DLGAP2: variants seen among roughly 807,000 people sequenced by gnomAD.
The protein encoded by DLGAP2 is DLG associated protein 2, also known as disks large-associated protein 2.
DLGAP2 carries 26 observed loss-of-function variants against 100.3 expected under a neutral mutation model. That is an observed-to-expected ratio of 0.26 (90% CI 0.19 to 0.36). DLGAP2 has a LOEUF of 0.36. Among genes scored for constraint, DLGAP2 ranks in the 10% least tolerant of loss-of-function variants. The probability of loss-of-function intolerance (pLI) is 1.00; values close to 1 mark genes in which losing one functional copy is unlikely to be tolerated. For synonymous variants in DLGAP2, 886 were observed against 630.1 expected, an observed-to-expected ratio of 1.41 and a Z score of -6.08; for missense variants, 1,858 against 1,453.2, an observed-to-expected ratio of 1.28 and a Z score of -4.53.
At chr8:920,236 G>A (rs1016195908) in intron 2 of DLGAP2, among the ~76,000 whole-genome samples, 2 of 152,240 alleles carry the variant, frequency 1.3e-5, no homozygotes, top group African/African-American at 4.8e-5. Flanking sequence ...GCCCACAGAG[G>A]CACCCCTGCC....
Position 873,345 on chromosome 8 carries a change from T to A in DLGAP2, c.19-34567T>A, listed in dbSNP as rs150095464. On this transcript the variant is annotated intron_variant, in intron 1 of 14. Coordinates refer to ENST00000637795, the MANE Select transcript of DLGAP2 (RefSeq NM_001346810.2). ...TTTTACTTCTCTTCATTACCCTGGC[T>A]AGGACCACCAGCACAATTTTGAAAT... Among the ~76,000 whole-genome samples the A allele has an allele frequency of 4.4e-3, 665 of 152,338 alleles. 6 individuals are homozygous for A. Among genetic ancestry groups the A allele is most frequent in the African/African-American group, 0.015 (611 of 41,574 alleles).
chr8:1,321,201 A>G (rs990709556), intron 3 of DLGAP2, among the ~76,000 whole-genome samples: 3 of 148,346 alleles, frequency 2.0e-5, no homozygotes. Flanking sequence ...GTGCACGTGC[A>G]TCCATGTGCC....
At chr8:1,118,211 G>T (rs535300904) in intron 2 of DLGAP2, among the ~76,000 whole-genome samples, 2 of 152,282 alleles carry the variant, frequency 1.3e-5, no homozygotes, top group Admixed American at 6.5e-5. Context: ...GGCCATGTCT[G>T]GAGATTCTGA....
intron 3 of DLGAP2, among the ~76,000 whole-genome samples, chr8:1,388,980 C>T (rs1158783595): frequency 7.3e-6 from 1 of 136,918 alleles, no homozygotes; most frequent in Non-Finnish European, 1.5e-5. Context: ...GATGAGGAGG[C>T]GCTGGTTCAG....
At chr8:1,271,930 C>T (rs918776142) in intron 3 of DLGAP2, among the ~76,000 whole-genome samples, 2 of 152,226 alleles carry the variant, frequency 1.3e-5, no homozygotes, top group African/African-American at 2.4e-5. Flanking sequence ...CCTGCCTCAG[C>T]TTCCCAACTA....
chr8:1,669,968 C>T (rs1798649338), intron 10 of DLGAP2, among the ~76,000 whole-genome samples, 184 bp downstream of exon 10: 1 of 152,190 alleles, frequency 6.6e-6, no homozygotes, highest in African/African-American at 2.4e-5. Flanking sequence ...CCCTAACCTG[C>T]CTGCAGCCCT....
intron 2 of DLGAP2, among the ~76,000 whole-genome samples, chr8:1,215,319 A>T (rs1798191941): frequency 6.6e-6 from 1 of 152,256 alleles, no homozygotes; most frequent in South Asian, 2.1e-4. Context: ...GAGCATGATC[A>T]TGCGAGGCTG....
intron 13 of DLGAP2, among the ~76,000 whole-genome samples, chr8:1,694,412 G>A (rs531881403): frequency 3.9e-5 from 6 of 152,342 alleles, no homozygotes; most frequent in South Asian, 2.1e-4. Context: ...ACCCCAGCCC[G>A]AGATTGAGGA....
chr8:1,440,079 T>C (rs1017469288), intron 3 of DLGAP2, among the ~76,000 whole-genome samples: 5 of 152,144 alleles, frequency 3.3e-5, no homozygotes, highest in African/African-American at 9.7e-5. Context: ...CAGCTACCTC[T>C]CAGGTCCCAT....
At chr8:1,689,013 G>T (rs1324880963) in intron 12 of DLGAP2, among the ~76,000 whole-genome samples, 1 of 152,230 alleles carries the variant, frequency 6.6e-6, no homozygotes, top group Non-Finnish European at 1.5e-5. Flanking sequence ...CCTGGCTTGG[G>T]CAGCAGGATG....
chr8:879,907 C>G (rs535760456), intron 1 of DLGAP2, among the ~76,000 whole-genome samples: 4 of 152,284 alleles, frequency 2.6e-5, no homozygotes, highest in African/African-American at 9.6e-5. Flanking sequence ...ATTCTCCTTC[C>G]GTGTCTCTCC....
intron 10 of DLGAP2, among the ~76,000 whole-genome samples, chr8:1,676,299 A>C (rs376061851): frequency 1.3e-5 from 2 of 152,204 alleles, no homozygotes. Context: ...TTAGAAGACC[A>C]AACTGCAGCC....
rs116556419 is a variant in DLGAP2, at chr8:1,467,212, G to A, written c.107-34154G>A. 6.5e-3 allele frequency among the ~76,000 whole-genome samples: 928 copies of A among 142,818 alleles called. 13 individuals are homozygous for A. The highest frequency in any genetic ancestry group is 0.026 in the African/African-American group (850 of 32,858). 93.7% of individuals were successfully genotyped at this position (142,818 alleles called of 152,430 possible). A position where few individuals can be genotyped will look rare whatever the true frequency, so the allele number is the denominator to read the frequency against. On this transcript the variant is annotated intron_variant, in intron 3 of 14. Transcript: ENST00000637795. The stretch of plus-strand genomic sequence containing the variant: ...AGGAGGTCTCTCATCGTCATGCATG[G>A]CTTCTCTGTTGGATGTCACTGAGTG...
At chr8:1,649,624 G>A (rs181831023) in intron 8 of DLGAP2, among the ~76,000 whole-genome samples, 137 of 152,256 alleles carry the variant, frequency 9.0e-4, no homozygotes, top group African/African-American at 2.7e-3. Flanking sequence ...ATAGAAGGTG[G>A]CAACAAAATA....
At chr8:1,659,550 G>T (rs543864023) in intron 8 of DLGAP2, among the ~76,000 whole-genome samples, 2 of 152,156 alleles carry the variant, frequency 1.3e-5, no homozygotes, top group African/African-American at 4.8e-5. Flanking sequence ...TATATATTTA[G>T]GATAGTTAGC....
chr8:1,630,484 C>T (rs1797613976), intron 7 of DLGAP2, among the ~76,000 whole-genome samples: 2 of 152,028 alleles, frequency 1.3e-5, no homozygotes, highest in Non-Finnish European at 2.9e-5. Flanking sequence ...GGGTGGATCA[C>T]GAGGTCAGGA....
At chr8:846,053 T>A (rs536256139) in intron 1 of DLGAP2, among the ~76,000 whole-genome samples, 17 of 152,374 alleles carry the variant, frequency 1.1e-4, no homozygotes, top group African/African-American at 3.1e-4. Flanking sequence ...ATGTGATGTT[T>A]TAATACATGT....
chr8:931,789 C>T (rs911549949), intron 2 of DLGAP2, among the ~76,000 whole-genome samples: 1 of 152,170 alleles, frequency 6.6e-6, no homozygotes, highest in Non-Finnish European at 1.5e-5. Flanking sequence ...CTTTAAAAAT[C>T]TTTGGAGTCT....
chr8:1,523,951 A>G (rs1216091350), intron 4 of DLGAP2, among the ~76,000 whole-genome samples: 1 of 152,192 alleles, frequency 6.6e-6, no homozygotes, highest in East Asian at 1.9e-4. Context: ...GGGGAAAACA[A>G]ACATCTGAGG....
Sources: gnomAD v4.1 joint callset for allele counts (sites outside exome capture counted in the v4.1 genomes callset) on GRCh38, gnomAD v4.1.1 for gene constraint, MANE v1.5 for transcripts, NCBI Gene and HGNC (gene_info 2026-07-23, HGNC 2026-07-21) for gene names.